C2CD3: variants seen among roughly 807,000 people sequenced by gnomAD.
The protein encoded by C2CD3 is C2 domain-containing protein 3.
C2CD3 carries 148 observed loss-of-function variants against 234.0 expected under a neutral mutation model. That is an observed-to-expected ratio of 0.63 (90% CI 0.55 to 0.72). The LOEUF (loss-of-function observed/expected upper bound fraction) is 0.72, where lower values mean the gene tolerates loss of function less well. Among genes scored for constraint, C2CD3 ranks in the 30% least tolerant of loss-of-function variants. C2CD3 has a pLI of 0.00. For synonymous variants in C2CD3, 1,000 were observed against 1,035.4 expected, an observed-to-expected ratio of 0.97 and a Z score of 0.66; for missense variants, 2,577 against 2,811.5, an observed-to-expected ratio of 0.92 and a Z score of 1.89.
Position 74,078,188 on chromosome 11 carries a change from G to C in C2CD3, c.4530C>G (p.Asp1510Glu), listed in dbSNP as rs1007159030. Residue 1510 changes from aspartate (D) to glutamate (E), a missense_variant, in exon 23 of 33, where the codon GAC becomes GAG. By Grantham distance (45) the Asp-to-Glu change is conservative. Transcript: ENST00000334126. ...NDSVERPHQT[D>E]SWIGSAYVDL... ...CCACATAGGCTGAGCCAATCCAGCT[G>C]TCTGTCTGATGGGGTCTCTCCACAC... 10 of 1,613,918 alleles carry C rather than the reference G, an allele frequency of 6.2e-6. No homozygotes were observed. In the African/African-American group the frequency reaches 1.1e-4, roughly 17 times the overall value.
At chr11:74,039,709 C>T (rs916888452) in intron 29 of C2CD3, among the ~76,000 whole-genome samples, 1 of 152,152 alleles carries the variant, frequency 6.6e-6, no homozygotes, top group Non-Finnish European at 1.5e-5. Context: ...AGGGGTGCTA[C>T]TGGTATGTAG....
intron 9 of C2CD3, among the ~76,000 whole-genome samples, chr11:74,116,843 C>CGTGTATATGTGTATATACACATATAT (rs1956953013): frequency 7.2e-6 from 1 of 138,456 alleles, no homozygotes; most frequent in Non-Finnish European, 1.6e-5. Flanking sequence ...TGTATATATA[C>CGTGTATATGTGTATATACACATATAT]ACGTGTATAT....
intron 13 of C2CD3, among the ~76,000 whole-genome samples, chr11:74,105,650 T>A (rs1364380451): frequency 1.3e-5 from 2 of 152,200 alleles, no homozygotes; most frequent in East Asian, 3.8e-4. Flanking sequence ...CTAACTCACC[T>A]GAATACAAGG....
intron 5 of C2CD3, among the ~76,000 whole-genome samples, chr11:74,136,325 C>A (rs1957860143): frequency 6.6e-6 from 1 of 152,116 alleles, no homozygotes; most frequent in African/African-American, 2.4e-5. Context: ...CCTAGTAACT[C>A]TTATTGAAGA....
At chr11:74,075,829 G>A (rs1416813288) in intron 23 of C2CD3, among the ~76,000 whole-genome samples, 1 of 152,192 alleles carries the variant, frequency 6.6e-6, no homozygotes, top group African/African-American at 2.4e-5. Flanking sequence ...AATAAAACAT[G>A]GAAGTAAGGT....
At position 74,139,719 on chromosome 11, in the gene C2CD3, T is replaced by G. The variant is rs1387625228; in HGVS notation, c.593A>C (p.Asn198Thr). Reference sequence around the variant, plus strand: ...AAACTGGGTACTGCTGGGTTCAGTATTCTCTCTGAATCCCTGCTTAGATAA... The same window carrying G: ...AAACTGGGTACTGCTGGGTTCAGTAGTCTCTCTGAATCCCTGCTTAGATAA... ...VLLSKQGFRE[N>T]TEPSSTQFQV... Residue 198 changes from asparagine to threonine, a missense_variant, in exon 4 of 33, where the codon AAT becomes ACT. Coordinates refer to ENST00000334126, the MANE Select transcript of C2CD3 (RefSeq NM_001286577.2). 3.1e-6 allele frequency: 5 copies of G among 1,612,268 alleles called. No individual in the cohort carries two copies. The African/African-American group carries it at 5.3e-5, about 17-fold the overall frequency.
chr11:74,103,548 G>A lies in C2CD3; in HGVS notation c.2163C>T (p.Thr721=). ...NTKLSGNTHY[T]PLCAPTSPNK... ...TTGGACTTGTAGGAGCACAAAGTGGGGTATAATGGGTGTTGCCACTTAACT... is the reference window on the plus strand; with the variant it reads ...TTGGACTTGTAGGAGCACAAAGTGGAGTATAATGGGTGTTGCCACTTAACT... Residue 721 remains threonine (T), a synonymous_variant, in exon 14 of 33, where the codon ACC becomes ACT. Transcript: ENST00000334126. The A allele has an allele frequency of 2.5e-6, 4 of 1,613,730 alleles. No individual in the cohort carries two copies. The highest frequency in any genetic ancestry group is 3.4e-6 in the Non-Finnish European group (4 of 1,179,784).
chr11:74,101,649 A>C (rs1956320113), intron 14 of C2CD3, among the ~76,000 whole-genome samples: 1 of 152,206 alleles, frequency 6.6e-6, no homozygotes, highest in Non-Finnish European at 1.5e-5. Context: ...GCTGAGCAGG[A>C]GTTAACTGAT....
Position 74,100,663 on chromosome 11 carries a change from G to C in C2CD3, c.2594C>G (p.Ser865Cys), listed in dbSNP as rs148264086. 91 of 1,612,324 alleles carry C rather than the reference G, an allele frequency of 5.6e-5. No individual in the cohort carries two copies. In the East Asian group the frequency reaches 6.5e-4, roughly 11 times the overall value. Residue 865 changes from serine to cysteine, a missense_variant, in exon 15 of 33, where the codon TCT becomes TGT. Physicochemically the swap from Ser to Cys is moderately radical, Grantham distance 112. Coordinates refer to ENST00000334126, the MANE Select transcript of C2CD3 (RefSeq NM_001286577.2). ...CCTTTCCAGGTATTTGGAAGACAGA[G>C]AGACAGGAATCACCTAAGAGAGAGG... is the stretch of plus-strand genomic sequence containing the variant. The part of the protein sequence containing the change: ...VFNFSQVIPV[S>C]LSSKYLERLK...
chr11:74,078,601 C>T lies in C2CD3; in HGVS notation c.4117G>A (p.Gly1373Arg), dbSNP rs1565265268. The change falls in exon 23 of 33, where the codon GGA becomes AGA. Residue 1373 changes from glycine to arginine, a missense_variant. Physicochemically the swap from Gly to Arg is moderately radical, Grantham distance 125. Coordinates refer to ENST00000334126, the MANE Select transcript of C2CD3 (RefSeq NM_001286577.2). ...GCTTCCAACACCCGTTCTCTATCTC[C>T]ACGATGCGTGAAGGAAATCGAAAGC... Reference protein sequence around the residue: ...LELSISFTHRGDRERVLEAAE... With the variant: ...LELSISFTHRRDRERVLEAAE... The T allele has an allele frequency of 6.2e-7, 1 of 1,614,184 alleles. No homozygotes were observed. The highest frequency in any genetic ancestry group is 8.5e-7 in the Non-Finnish European group (1 of 1,180,026).
At position 74,170,996 on chromosome 11, in the gene C2CD3, A is replaced by C; in HGVS notation, c.-204T>G. On this transcript the variant is annotated 5_prime_UTR_variant, in exon 1 of 33. Transcript: ENST00000334126. ...GGCGCCAAGACGCCTTCCCTCCAAT[A>C]CACTACAATACCCAGGACGCTTTGC... The C allele has an allele frequency of 8.3e-7, 1 of 1,200,766 alleles. No individual in the cohort carries two copies. The highest frequency in any genetic ancestry group is 1.2e-6 in the Non-Finnish European group (1 of 856,406). 74.4% of individuals were successfully genotyped at this position (1,200,766 alleles called of 1,614,324 possible). A position where few individuals can be genotyped will look rare whatever the true frequency, so the allele number is the denominator to read the frequency against.
chr11:74,137,933 T>A (rs1957923460), intron 5 of C2CD3, among the ~76,000 whole-genome samples: 1 of 152,226 alleles, frequency 6.6e-6, no homozygotes, highest in African/African-American at 2.4e-5. Context: ...GTTGAAAAAC[T>A]ATAAACAAAA....
chr11:74,057,497 A>G lies in C2CD3; in HGVS notation c.4999T>C (p.Ser1667Pro). ...GATGACTCATCGGCTGTTGCAAAGG[A>G]TACACAACAACTGGGTATCGATACT... ...RKVSIPSCCVSFATADESSPV... is the reference protein window; with the variant it reads ...RKVSIPSCCVPFATADESSPV... The change falls in exon 25 of 33, where the codon TCC (serine) becomes CCC (proline). Residue 1667 changes from serine to proline, a missense_variant. Transcript: ENST00000334126. The G allele has an allele frequency of 1.9e-6, 3 of 1,614,116 alleles. No homozygotes were observed. Among genetic ancestry groups the G allele is most frequent in the Non-Finnish European group, 2.5e-6 (3 of 1,179,968 alleles).
intron 30 of C2CD3, chr11:74,034,647 T>C: frequency 6.6e-7 from 1 of 1,521,582 alleles, no homozygotes; most frequent in Admixed American, 1.7e-5. Context: ...CTTATTTACC[T>C]ATTTGATGAC....
chr11:74,159,651 A>C (rs1856307865), intron 3 of C2CD3, among the ~76,000 whole-genome samples: 1 of 136,850 alleles, frequency 7.3e-6, no homozygotes, highest in South Asian at 2.2e-4. Context: ...ACAAAAGTCA[A>C]AAAGTTAAAA....
At chr11:74,071,592 T>C (rs1394761322) in intron 24 of C2CD3, among the ~76,000 whole-genome samples, 1 of 152,248 alleles carries the variant, frequency 6.6e-6, no homozygotes, top group Non-Finnish European at 1.5e-5. Flanking sequence ...CTCTTCAAAC[T>C]ATAATCCTGC....
chr11:74,050,335 G>T (rs1953615631), intron 26 of C2CD3, among the ~76,000 whole-genome samples: 1 of 152,216 alleles, frequency 6.6e-6, no homozygotes, highest in African/African-American at 2.4e-5. Context: ...GGTGCAAAAT[G>T]AGTCTGGGCT....
At chr11:74,044,629 T>G (rs1953265821) in intron 28 of C2CD3, among the ~76,000 whole-genome samples, 1 of 152,196 alleles carries the variant, frequency 6.6e-6, no homozygotes, top group African/African-American at 2.4e-5. Flanking sequence ...ATGCTGAGGT[T>G]TGGGGTTTGA....
intron 24 of C2CD3, among the ~76,000 whole-genome samples, chr11:74,063,101 A>G (rs1294367375): frequency 2.6e-5 from 4 of 152,252 alleles, no homozygotes; most frequent in Non-Finnish European, 4.4e-5. Flanking sequence ...ATCCTTGAAT[A>G]GACCAATAAC....
Sources: allele counts gnomAD v4.1 joint callset (sites outside exome capture counted in the v4.1 genomes callset), GRCh38; gene constraint gnomAD v4.1.1; transcripts MANE v1.5; gene names NCBI Gene and HGNC (gene_info 2026-07-23, HGNC 2026-07-21).